MYO1B: variants seen among roughly 807,000 people sequenced by gnomAD.
MYO1B encodes unconventional myosin-Ib.
Under a neutral mutation model 159.7 loss-of-function variants are expected in MYO1B, and 72 were observed. The observed-to-expected ratio is 0.45, with a 90% CI of 0.37 to 0.55. The LOEUF is 0.55. MYO1B is among the 20% of genes least tolerant of loss of function. The pLI is 0.00. For synonymous variants in MYO1B, 468 were observed against 473.8 expected, an observed-to-expected ratio of 0.99 and a Z score of 0.16; for missense variants, 1,062 against 1,364.8, an observed-to-expected ratio of 0.78 and a Z score of 3.50.
chr2:191,268,488 G>A (rs182257570), intron 1 of MYO1B, among the ~76,000 whole-genome samples: 16 of 152,298 alleles, frequency 1.1e-4, no homozygotes, highest in African/African-American at 2.9e-4. Flanking sequence ...CATTCAGTCC[G>A]TAAGATTTGG....
chr2:191,280,394 A>T (rs1038142473), intron 2 of MYO1B, among the ~76,000 whole-genome samples: 8 of 152,152 alleles, frequency 5.3e-5, no homozygotes, highest in African/African-American at 1.9e-4. Flanking sequence ...ATCACTAAGG[A>T]CTTTGTGACT....
intron 7 of MYO1B, among the ~76,000 whole-genome samples, chr2:191,357,092 A>C (rs998084331): frequency 6.6e-6 from 1 of 152,218 alleles, no homozygotes; most frequent in Non-Finnish European, 1.5e-5. Flanking sequence ...AAAATAATGA[A>C]GCTTTTATCA....
chr2:191,397,175 T>C lies in MYO1B; in HGVS notation c.2295+678T>C, dbSNP rs530483229. On this transcript the variant is annotated intron_variant, in intron 21 of 30. Transcript: ENST00000392318. Reference sequence around the variant, plus strand: ...TTTTTTTTGTAGGTGGGATGTATTTTTTTTATTTTTTATTTTATTTTATTT... The same window carrying C: ...TTTTTTTTGTAGGTGGGATGTATTTCTTTTATTTTTTATTTTATTTTATTT... 1.8e-4 allele frequency among the ~76,000 whole-genome samples: 27 copies of C among 147,224 alleles called. 1 individual carries two copies. Among genetic ancestry groups the C allele is most frequent in the Non-Finnish European group, 7.5e-5 (5 of 66,754 alleles).
At chr2:191,298,565 G>C (rs1369713541) in intron 3 of MYO1B, among the ~76,000 whole-genome samples, 1 of 152,080 alleles carries the variant, frequency 6.6e-6, no homozygotes, top group Non-Finnish European at 1.5e-5. Context: ...ATTCTTAGGC[G>C]CATGTAAGTC....
chr2:191,402,835 T>A (rs1378325913), intron 24 of MYO1B, 117 bp downstream of exon 24: 5 of 707,168 alleles, frequency 7.1e-6, no homozygotes, highest in Non-Finnish European at 1.1e-5. Flanking sequence ...TTGTAGAATG[T>A]CATCTTGCTT....
At chr2:191,354,570 C>T (rs1189456818) in intron 7 of MYO1B, among the ~76,000 whole-genome samples, 2 of 152,176 alleles carry the variant, frequency 1.3e-5, no homozygotes, top group Non-Finnish European at 2.9e-5. Context: ...GAGGCAAATG[C>T]TGTGATTTGT....
At chr2:191,403,637 A>C (rs1019728019) in intron 24 of MYO1B, among the ~76,000 whole-genome samples, 1 of 152,204 alleles carries the variant, frequency 6.6e-6, no homozygotes, top group Non-Finnish European at 1.5e-5. Context: ...ATATCCCTGA[A>C]TCCTGCTTTG....
chr2:191,398,424 C>A (rs1304629571), intron 21 of MYO1B, among the ~76,000 whole-genome samples: 1 of 9,040 alleles, frequency 1.1e-4, no homozygotes, highest in Non-Finnish European at 2.2e-3. Flanking sequence ...GGGGGGCTGA[C>A]CCCCCCCCAC....
chr2:191,387,586 A>T (rs1469037536), intron 17 of MYO1B, 136 bp downstream of exon 17: 1 of 773,970 alleles, frequency 1.3e-6, no homozygotes, highest in Admixed American at 2.3e-5. Flanking sequence ...ATAATACCTT[A>T]TCTGGGATTG....
chr2:191,254,178 T>C (rs1686293107), intron 1 of MYO1B, among the ~76,000 whole-genome samples: 1 of 152,168 alleles, frequency 6.6e-6, no homozygotes. Context: ...TAACTTAGCC[T>C]TTATTGAAAA....
At chr2:191,348,101 C>T (rs912228368) in intron 6 of MYO1B, among the ~76,000 whole-genome samples, 7 of 152,152 alleles carry the variant, frequency 4.6e-5, no homozygotes, top group Non-Finnish European at 8.8e-5. Flanking sequence ...ATGATCAGAA[C>T]CCAGCTTTTG....
intron 2 of MYO1B, among the ~76,000 whole-genome samples, chr2:191,283,785 C>T (rs1482627339): frequency 2.0e-5 from 3 of 152,146 alleles, no homozygotes; most frequent in Non-Finnish European, 2.9e-5. Context: ...AAGGATACTA[C>T]TGATACAAAA....
intron 1 of MYO1B, among the ~76,000 whole-genome samples, chr2:191,261,025 C>T (rs987820143): frequency 1.3e-5 from 2 of 152,162 alleles, no homozygotes; most frequent in Non-Finnish European, 2.9e-5. Flanking sequence ...TATTGACTTC[C>T]AGACTTGCTG....
intron 3 of MYO1B, among the ~76,000 whole-genome samples, chr2:191,298,949 C>A (rs1689145889): frequency 6.6e-6 from 1 of 152,152 alleles, no homozygotes; most frequent in South Asian, 2.1e-4. Context: ...ACCCCACTAC[C>A]TTTGGTTCGC....
intron 4 of MYO1B, among the ~76,000 whole-genome samples, chr2:191,332,765 T>G (rs1691574326): frequency 6.6e-6 from 1 of 152,198 alleles, no homozygotes; most frequent in Admixed American, 6.5e-5. Flanking sequence ...GTCCCTGCTT[T>G]TATCCACTGT....
intron 18 of MYO1B, among the ~76,000 whole-genome samples, chr2:191,391,685 G>A (rs1574587365): frequency 1.3e-5 from 2 of 152,162 alleles, no homozygotes; most frequent in African/African-American, 4.8e-5. Flanking sequence ...GTTGGTCTGG[G>A]ACTGTTTCTT....
chr2:191,263,482 G>A (rs1285953538), intron 1 of MYO1B: 5 of 206,394 alleles, frequency 2.4e-5, no homozygotes, highest in East Asian at 1.8e-4. Context: ...AGAGACAGAC[G>A]TAAGGGTAGA....
intron 8 of MYO1B, among the ~76,000 whole-genome samples, chr2:191,361,745 C>T (rs1299153099): frequency 6.6e-6 from 1 of 151,622 alleles, no homozygotes. Flanking sequence ...GCGGGTGTTA[C>T]TTCAAAGCGA....
Position 191,387,464 on chromosome 2 carries a change from A to G in MYO1B, c.1781+14A>G, listed in dbSNP as rs1695463202. 2 of 1,610,248 alleles carry G rather than the reference A, an allele frequency of 1.2e-6. No homozygotes were observed. The highest frequency in any genetic ancestry group is 1.7e-6 in the Non-Finnish European group (2 of 1,176,518). ...AAACTATATTAGGTATTTTTGGCAC[A>G]TGAAACTTTCACAGTTCAAATGTGA... On this transcript the variant is annotated intron_variant, in intron 17 of 30. Coordinates refer to ENST00000392318, the MANE Select transcript of MYO1B (RefSeq NM_001130158.3).
Sources: gnomAD v4.1 joint callset for allele counts (sites outside exome capture counted in the v4.1 genomes callset) on GRCh38, gnomAD v4.1.1 for gene constraint, MANE v1.5 for transcripts, NCBI Gene and HGNC (gene_info 2026-07-23, HGNC 2026-07-21) for gene names.